Variants in NCS1 observed in about 807,000 individuals in gnomAD.
NCS1 encodes frequenin homolog.
NCS1 carries 6 observed loss-of-function variants against 28.4 expected under a neutral mutation model. The observed-to-expected ratio is 0.21, with a 90% confidence interval of 0.12 to 0.42. The LOEUF is 0.42. Ranked by LOEUF, NCS1 falls within the 10% of genes least tolerant of loss-of-function variation. The pLI, the probability that NCS1 is intolerant of heterozygous loss-of-function variation, is 1.00. For synonymous variants in NCS1, 86 were observed against 99.3 expected, an observed-to-expected ratio of 0.87 and a Z score of 0.79; for missense variants, 131 against 241.4, an observed-to-expected ratio of 0.54 and a Z score of 3.03.
In NCS1 at chr9:130,215,081, C is replaced by CT. The variant is rs1833163334; in HGVS notation, c.90-2751_90-2750insT. Among the ~76,000 whole-genome samples, 1 of 152,214 alleles carries CT rather than the reference C, an allele frequency of 6.6e-6. No homozygotes were observed. Among genetic ancestry groups the CT allele is most frequent in the African/African-American group, 2.4e-5 (1 of 41,458 alleles). On this transcript the variant is annotated intron_variant, in intron 2 of 7. Transcript: ENST00000372398. The surrounding 1 kb of genome is among the most constrained non-coding windows in gnomAD (Gnocchi z 4.2). ...ACCTTTTAGAATCACTCAAGTAACA[C>CT]AAAGTCATTGTGGATAAGTTAGAAG... is the stretch of plus-strand genomic sequence containing the variant.
intron 4 of NCS1, 29 bp from the exon 5 acceptor site, chr9:130,222,621 G>T (rs1554910722): frequency 1.2e-6 from 2 of 1,607,020 alleles, no homozygotes; most frequent in African/African-American, 1.3e-5. Context: ...CCCAGCCCAG[G>T]ATCACTCAGC....
intron 1 of NCS1, among the ~76,000 whole-genome samples, chr9:130,187,078 A>G (rs1249129886): frequency 6.6e-6 from 1 of 152,054 alleles, no homozygotes; most frequent in Non-Finnish European, 1.5e-5. Context: ...TTGGTCCCTC[A>G]GAGCTGTTGG....
chr9:130,221,757 TAA>T (rs1833305357), intron 4 of NCS1, among the ~76,000 whole-genome samples: 1 of 139,712 alleles, frequency 7.2e-6, no homozygotes, highest in Non-Finnish European at 1.5e-5. Flanking sequence ...TATAAATAAA[TAA>T]ATATATATAT....
At chr9:130,178,954 A>C (rs1187940243) in intron 1 of NCS1, among the ~76,000 whole-genome samples, 3 of 94,062 alleles carry the variant, frequency 3.2e-5, no homozygotes, top group Non-Finnish European at 4.4e-5. Context: ...TTTTTTTTTG[A>C]AACAGAGTCT....
rs1259291788 is a variant in NCS1, at chr9:130,235,388, C to G, written c.*2416C>G. 6.6e-6 allele frequency: 1 copy of G among 152,462 alleles called. No individual in the cohort carries two copies. Among genetic ancestry groups the G allele is most frequent in the Non-Finnish European group, 1.5e-5 (1 of 68,206 alleles). 9.4% of individuals were successfully genotyped at this position (152,462 alleles called of 1,614,324 possible). ...TCAAATTACTTTCCTTTGGCCTCTG[C>G]CTGAGGCTCGATTTGCCTCTCTGGT... On this transcript the variant is annotated 3_prime_UTR_variant, in exon 8 of 8. Coordinates refer to ENST00000372398, the MANE Select transcript of NCS1 (RefSeq NM_014286.4).
intron 1 of NCS1, among the ~76,000 whole-genome samples, chr9:130,182,743 G>A (rs559996560): frequency 2.6e-5 from 4 of 152,222 alleles, no homozygotes; most frequent in Admixed American, 6.5e-5. Flanking sequence ...GCAACGTACC[G>A]CCATCTTACG....
At chr9:130,203,111 T>C (rs1237831475) in intron 2 of NCS1, among the ~76,000 whole-genome samples, 4 of 145,534 alleles carry the variant, frequency 2.7e-5, no homozygotes, top group Admixed American at 1.5e-4. Flanking sequence ...TGTGTGTGTG[T>C]GCGTGTGTAT....
chr9:130,221,409 TATATAGAGAGAGAG>T (rs1179998593), intron 4 of NCS1, among the ~76,000 whole-genome samples: 137 of 46,052 alleles, frequency 3.0e-3, no homozygotes, highest in East Asian at 9.3e-3. Context: ...TATATATATA[TATATAGAGAGAGAG>T]AGAGAGAGAG....
At chr9:130,202,710 G>A (rs1430567923) in intron 2 of NCS1, among the ~76,000 whole-genome samples, 1 of 151,792 alleles carries the variant, frequency 6.6e-6, no homozygotes, top group Non-Finnish European at 1.5e-5. Flanking sequence ...CTCCCGAGTA[G>A]CTGGGACTAC....
chr9:130,222,442 C>T (rs2131156244), intron 4 of NCS1, among the ~76,000 whole-genome samples: 1 of 152,136 alleles, frequency 6.6e-6, no homozygotes, highest in Middle Eastern at 3.4e-3. Flanking sequence ...TGTGAGCCAC[C>T]ATGCCCAGCC....
In NCS1 at chr9:130,172,617, C is replaced by T; in HGVS notation, c.-47C>T. On this transcript the variant is annotated 5_prime_UTR_variant, in exon 1 of 8. Coordinates refer to ENST00000372398, the MANE Select transcript of NCS1 (RefSeq NM_014286.4). ...CCGGCCCAGCCGCTCCTGCTGGGCGCCCCAACCGGGTCCGGCCCGGGGGGG... is the reference window on the plus strand; with the variant it reads ...CCGGCCCAGCCGCTCCTGCTGGGCGTCCCAACCGGGTCCGGCCCGGGGGGG... 2.4e-6 allele frequency: 3 copies of T among 1,259,218 alleles called. No homozygotes were observed. The highest frequency in any genetic ancestry group is 2.4e-4 in the Middle Eastern group (1 of 4,132). 78.0% of individuals were successfully genotyped at this position (1,259,218 alleles called of 1,614,324 possible).
chr9:130,179,471 C>T (rs968005863), intron 1 of NCS1, among the ~76,000 whole-genome samples: 1 of 152,202 alleles, frequency 6.6e-6, no homozygotes, highest in Non-Finnish European at 1.5e-5. Context: ...CACATCTTTG[C>T]ATGAATGTCT....
intron 1 of NCS1, among the ~76,000 whole-genome samples, chr9:130,199,041 C>T (rs1429787196): frequency 6.6e-6 from 1 of 152,112 alleles, no homozygotes; most frequent in Non-Finnish European, 1.5e-5. Context: ...TGACTCCAGG[C>T]CCGGTGTTTC....
In NCS1 at chr9:130,191,344, G is replaced by A. The variant is rs1302106519; in HGVS notation, c.65-9614G>A. ...GGCTGAAGGTTACCTGGCCTGGCCCGAGTCTGCCCTCCGGGGCCAGGGACT... is the reference window on the plus strand; with the variant it reads ...GGCTGAAGGTTACCTGGCCTGGCCCAAGTCTGCCCTCCGGGGCCAGGGACT... On this transcript the variant is annotated intron_variant, in intron 1 of 7. Transcript: ENST00000372398. The surrounding 1 kb of genome is among the most constrained non-coding windows in gnomAD (Gnocchi z 6.4). 2.6e-5 allele frequency among the ~76,000 whole-genome samples: 4 copies of A among 152,144 alleles called. No homozygotes were observed. Among genetic ancestry groups the A allele is most frequent in the African/African-American group, 4.8e-5 (2 of 41,434 alleles).
intron 4 of NCS1, among the ~76,000 whole-genome samples, chr9:130,222,405 A>G (rs550418503): frequency 1.3e-5 from 2 of 152,012 alleles, no homozygotes; most frequent in South Asian, 4.2e-4. Flanking sequence ...TGCTCACCTC[A>G]GCCTCCCAAA....
intron 2 of NCS1, among the ~76,000 whole-genome samples, chr9:130,213,979 C>T (rs970061549): frequency 2.6e-5 from 4 of 152,250 alleles, no homozygotes; most frequent in Admixed American, 6.5e-5. Context: ...AGGAGCCAGA[C>T]GCCAACTGGG....
chr9:130,229,265 C>CT (rs35011671), intron 7 of NCS1, among the ~76,000 whole-genome samples: 13,762 of 141,586 alleles, frequency 0.097, 1,018 homozygotes, highest in African/African-American at 0.22. Context: ...ATTAATATTT[C>CT]TTTTTTTTTT....
rs1043271449 is a variant in NCS1 at position 130,226,895 on chromosome 9, C to T, written c.*17+391C>T. Among the ~76,000 whole-genome samples the T allele has an allele frequency of 1.3e-5, 2 of 151,724 alleles. No individual in the cohort carries two copies. The highest frequency in any genetic ancestry group is 1.5e-5 in the Non-Finnish European group (1 of 67,900). On this transcript the variant is annotated intron_variant, in intron 7 of 7. Transcript: ENST00000372398. This position sits in a 1 kb window ranked among gnomAD's most constrained non-coding sequence, Gnocchi z 4.8. ...CAAAAATCAGGCGGGCGTGGTGGTG[C>T]GCACCTAGTCTCAGCTACTTGGGAG... is the stretch of plus-strand genomic sequence containing the variant.
rs12553552 is a variant in NCS1 at position 130,177,160 on chromosome 9, C to T, written c.64+4433C>T. Among the ~76,000 whole-genome samples the T allele has an allele frequency of 0.35, 53,394 of 152,084 alleles. 11,028 individuals are homozygous for T. The highest frequency in any genetic ancestry group is 0.47 in the Non-Finnish European group (31,871 of 67,964). ...GTGGAGGGCAGGAGCCCACGGCTGA[C>T]GCCTCTGTGACCCCGAGCAGAGGAC... On this transcript the variant is annotated intron_variant, in intron 1 of 7. Coordinates refer to ENST00000372398, the MANE Select transcript of NCS1 (RefSeq NM_014286.4). The surrounding 1 kb of genome is among the most constrained non-coding windows in gnomAD (Gnocchi z 4.4).
Sources: allele counts gnomAD v4.1 joint callset (sites outside exome capture counted in the v4.1 genomes callset), GRCh38; gene constraint gnomAD v4.1.1; non-coding constraint Gnocchi (gnomAD v3.1); transcripts MANE v1.5; gene names NCBI Gene and HGNC (gene_info 2026-07-23, HGNC 2026-07-21).